The following AUTS2 variants were observed in gnomAD, a reference collection of about 807,000 sequenced individuals.
The protein encoded by AUTS2 is activator of transcription and developmental regulator AUTS2, also known as autism susceptibility gene 2 protein.
Under a neutral mutation model 112.4 loss-of-function variants are expected in AUTS2, and 17 were observed. That is an observed-to-expected ratio of 0.15 (90% CI 0.10 to 0.23). AUTS2 has a LOEUF of 0.23. Among genes scored for constraint, AUTS2 ranks in the 10% least tolerant of loss-of-function variants. The pLI is 1.00. For synonymous variants in AUTS2, 751 were observed against 702.7 expected, an observed-to-expected ratio of 1.07 and a Z score of -1.09; for missense variants, 1,510 against 1,701.6, an observed-to-expected ratio of 0.89 and a Z score of 1.98.
At chr7:69,908,978 G>C (rs564646775) in intron 2 of AUTS2, among the ~76,000 whole-genome samples, 1 of 152,250 alleles carries the variant, frequency 6.6e-6, no homozygotes, top group South Asian at 2.1e-4. Context: ...TCAGGGTGTG[G>C]CAACAAGGAA....
At chr7:70,457,557 C>A (rs546959320) in intron 5 of AUTS2, among the ~76,000 whole-genome samples, 170 of 152,268 alleles carry the variant, frequency 1.1e-3, no homozygotes, top group African/African-American at 3.9e-3. Flanking sequence ...GACTAAAGTA[C>A]GGTGGAAAGA....
At chr7:70,137,700 AATGAG>A (rs1255203343) in intron 4 of AUTS2, among the ~76,000 whole-genome samples, 1 of 152,108 alleles carries the variant, frequency 6.6e-6, no homozygotes, top group Non-Finnish European at 1.5e-5. Flanking sequence ...GCAAATATTA[AATGAG>A]ATAAGATATT....
chr7:70,636,218 C>T (rs1263757538), intron 5 of AUTS2, among the ~76,000 whole-genome samples: 1 of 152,204 alleles, frequency 6.6e-6, no homozygotes, highest in African/African-American at 2.4e-5. Context: ...ATGGTGGCTT[C>T]ACTTCCTTTC....
intron 1 of AUTS2, among the ~76,000 whole-genome samples, chr7:69,739,245 A>T (rs1433322948): frequency 6.6e-6 from 1 of 152,220 alleles, no homozygotes; most frequent in African/African-American, 2.4e-5. Context: ...AGGCAGCTAA[A>T]TGCAAATTCT....
chr7:70,653,903 T>A (rs1365808986), intron 5 of AUTS2, among the ~76,000 whole-genome samples: 2 of 152,236 alleles, frequency 1.3e-5, no homozygotes, highest in African/African-American at 2.4e-5. Flanking sequence ...AACTATGTAC[T>A]GTTTGTATAA....
At chr7:70,405,650 A>T (rs1327503060) in intron 4 of AUTS2, among the ~76,000 whole-genome samples, 1 of 152,186 alleles carries the variant, frequency 6.6e-6, no homozygotes, top group Non-Finnish European at 1.5e-5. Context: ...AGGTAGAGTG[A>T]ATTTCTTCAT....
chr7:69,690,395 C>T (rs1034202015), intron 1 of AUTS2, among the ~76,000 whole-genome samples: 1 of 152,220 alleles, frequency 6.6e-6, no homozygotes, highest in Admixed American at 6.5e-5. Context: ...AAGTTTTGCT[C>T]CGGCCTGCTG....
At chr7:70,070,852 C>T (rs1302259189) in intron 2 of AUTS2, among the ~76,000 whole-genome samples, 3 of 144,030 alleles carry the variant, frequency 2.1e-5, no homozygotes, top group South Asian at 2.3e-4. Context: ...CGCTCTAGCC[C>T]GGGCGACACA....
At chr7:70,498,104 G>C (rs1321219295) in intron 5 of AUTS2, among the ~76,000 whole-genome samples, 1 of 152,156 alleles carries the variant, frequency 6.6e-6, no homozygotes, top group Non-Finnish European at 1.5e-5. Flanking sequence ...TTATTGAGGG[G>C]TGACATTGGA....
At chr7:70,589,818 T>C (rs1353208160) in intron 5 of AUTS2, among the ~76,000 whole-genome samples, 1 of 152,246 alleles carries the variant, frequency 6.6e-6, no homozygotes, top group African/African-American at 2.4e-5. Context: ...CCAGGGGGAC[T>C]CTGGGGGAAG....
chr7:70,754,117 C>T (rs1037043064), intron 6 of AUTS2, among the ~76,000 whole-genome samples: 11 of 152,062 alleles, frequency 7.2e-5, no homozygotes, highest in Non-Finnish European at 1.2e-4. Flanking sequence ...GCCGAGATCG[C>T]GCCGCTGCAC....
chr7:69,864,251 C>A (rs957007655), intron 1 of AUTS2, among the ~76,000 whole-genome samples: 1 of 152,180 alleles, frequency 6.6e-6, no homozygotes, highest in Non-Finnish European at 1.5e-5. Flanking sequence ...TGCAATAAAG[C>A]AAATTGTCTC....
chr7:69,733,255 G>A (rs1786878760), intron 1 of AUTS2, among the ~76,000 whole-genome samples: 1 of 152,046 alleles, frequency 6.6e-6, no homozygotes, highest in Non-Finnish European at 1.5e-5. Flanking sequence ...TTTAGTCAGT[G>A]GGGGGCAAAT....
chr7:69,624,934 G>A (rs1259833797), intron 1 of AUTS2, among the ~76,000 whole-genome samples: 5 of 86,100 alleles, frequency 5.8e-5, no homozygotes, highest in Non-Finnish European at 8.9e-5. Context: ...CGGTGCCCCC[G>A]CCCCCCACCC....
rs1236278870 is a variant in AUTS2, at chr7:69,928,080, C to CT, written c.522+28585dup. 3.3e-5 allele frequency among the ~76,000 whole-genome samples: 5 copies of CT among 152,258 alleles called. No individual in the cohort carries two copies. The South Asian group carries it at 8.3e-4, about 25-fold the overall frequency. ...GTAGGGTGATCAAGGCAGAAAGGAA[C>CT]TTTATTGAGTGACAGACCAGCTCTC... is the stretch of plus-strand genomic sequence containing the variant. On this transcript the variant is annotated intron_variant, in intron 2 of 18. Transcript: ENST00000342771.
Position 70,790,835 on chromosome 7 carries a change from C to G in AUTS2, c.3619C>G (p.Leu1207Val), listed in dbSNP as rs778326381. 2 of 1,607,238 alleles carry G rather than the reference C, an allele frequency of 1.2e-6. No homozygotes were observed. Among genetic ancestry groups the G allele is most frequent in the Non-Finnish European group, 1.7e-6 (2 of 1,176,262 alleles). Residue 1207 changes from leucine (L) to valine (V), a missense_variant, in exon 19 of 19, where the codon CTC becomes GTC. Transcript: ENST00000342771. This position sits in a 1 kb window ranked among gnomAD's most constrained non-coding sequence, Gnocchi z 7.6. ...CCCCACCGCGGGCAACCAGAACGGA[C>G]TCCTCAACAAGACCCCTCCGACAGC... is the stretch of plus-strand genomic sequence containing the variant. ...ISPTAGNQNG[L>V]LNKTPPTAAL...
At chr7:69,835,451 C>G (rs1234248582) in intron 1 of AUTS2, among the ~76,000 whole-genome samples, 1 of 152,080 alleles carries the variant, frequency 6.6e-6, no homozygotes, top group Non-Finnish European at 1.5e-5. Flanking sequence ...CAAGATGAAT[C>G]CCATCACTGT....
At chr7:70,170,660 G>C (rs565454216) in intron 4 of AUTS2, among the ~76,000 whole-genome samples, 2 of 148,290 alleles carry the variant, frequency 1.3e-5, no homozygotes, top group Admixed American at 1.4e-4. Context: ...GCGGTGGTGC[G>C]ATCTCAGCTC....
chr7:69,954,193 A>G (rs1305887417), intron 2 of AUTS2, among the ~76,000 whole-genome samples: 1 of 152,184 alleles, frequency 6.6e-6, no homozygotes, highest in African/African-American at 2.4e-5. Flanking sequence ...TTATAGTGAG[A>G]ATACTTAGTA....
Sources: gnomAD v4.1 joint callset for allele counts (sites outside exome capture counted in the v4.1 genomes callset) on GRCh38, gnomAD v4.1.1 for gene constraint, Gnocchi (gnomAD v3.1) non-coding constraint, MANE v1.5 for transcripts, NCBI Gene and HGNC (gene_info 2026-07-23, HGNC 2026-07-21) for gene names.